The following SLC2A13 variants were observed in gnomAD, a reference collection of about 807,000 sequenced individuals.
The protein encoded by SLC2A13 is proton myo-inositol cotransporter.
Under a neutral mutation model 64.4 loss-of-function variants are expected in SLC2A13, and 32 were observed. That is an observed-to-expected ratio of 0.50 (90% CI 0.37 to 0.67). The LOEUF (loss-of-function observed/expected upper bound fraction) is 0.67, where lower values mean the gene tolerates loss of function less well. SLC2A13 is among the 30% of genes least tolerant of loss of function. The pLI is 0.00. For missense variants in SLC2A13, 743 were observed against 829.2 expected, an observed-to-expected ratio of 0.90 and a Z score of 1.28; for synonymous variants, 338 against 327.1, an observed-to-expected ratio of 1.03 and a Z score of -0.36.
intron 4 of SLC2A13, among the ~76,000 whole-genome samples, chr12:39,893,125 A>C (rs1022346929): frequency 6.6e-6 from 1 of 152,282 alleles, no homozygotes; most frequent in African/African-American, 2.4e-5. Context: ...AAATGAAAAA[A>C]CCCAATGAGA....
At chr12:39,896,091 T>C (rs1023982734) in intron 4 of SLC2A13, among the ~76,000 whole-genome samples, 1 of 149,312 alleles carries the variant, frequency 6.7e-6, no homozygotes, top group Non-Finnish European at 1.5e-5. Context: ...TACATATATG[T>C]ATACACGTGT....
At chr12:40,045,884 C>T (rs1331299592) in intron 2 of SLC2A13, among the ~76,000 whole-genome samples, 1 of 152,164 alleles carries the variant, frequency 6.6e-6, no homozygotes, top group Non-Finnish European at 1.5e-5. Context: ...AGCAGCAATA[C>T]ACTTTAAATC....
intron 3 of SLC2A13, among the ~76,000 whole-genome samples, chr12:40,020,807 T>A (rs922657078): frequency 6.6e-6 from 1 of 152,172 alleles, no homozygotes; most frequent in Non-Finnish European, 1.5e-5. Flanking sequence ...TGGTTTTATT[T>A]ACGAAGCAGA....
chr12:40,008,181 A>T (rs1947458236), intron 3 of SLC2A13, among the ~76,000 whole-genome samples: 1 of 152,216 alleles, frequency 6.6e-6, no homozygotes, highest in African/African-American at 2.4e-5. Flanking sequence ...TTATAACAAC[A>T]TTCTCTTATC....
chr12:40,058,541 GAA>G (rs1238061616), intron 1 of SLC2A13, among the ~76,000 whole-genome samples: 9 of 151,514 alleles, frequency 5.9e-5, no homozygotes, highest in Admixed American at 5.9e-4. Context: ...GGAATGGACT[GAA>G]AAAAAAGAGA....
chr12:40,091,372 T>C (rs1938761952), intron 1 of SLC2A13, among the ~76,000 whole-genome samples: 1 of 152,212 alleles, frequency 6.6e-6, no homozygotes, highest in Non-Finnish European at 1.5e-5. Context: ...ATAATTTACT[T>C]ATGTTGACAC....
chr12:39,956,302 A>G (rs1249198721), intron 3 of SLC2A13, among the ~76,000 whole-genome samples: 6 of 152,166 alleles, frequency 3.9e-5, no homozygotes, highest in Admixed American at 2.6e-4. Context: ...TTGCCTGTGG[A>G]GGGAGGAATT....
At chr12:39,875,020 C>T (rs571660827) in intron 4 of SLC2A13, among the ~76,000 whole-genome samples, 2 of 152,350 alleles carry the variant, frequency 1.3e-5, no homozygotes, top group South Asian at 2.1e-4. Context: ...TTGTCCTGTA[C>T]AGACTGCCTT....
intron 3 of SLC2A13, among the ~76,000 whole-genome samples, chr12:39,967,728 A>C (rs1490864012): frequency 6.6e-6 from 1 of 152,194 alleles, no homozygotes. Context: ...AAGCTCATTT[A>C]CTTCATTGTC....
intron 1 of SLC2A13, among the ~76,000 whole-genome samples, chr12:40,097,899 G>A (rs1046916076): frequency 6.6e-6 from 1 of 151,970 alleles, no homozygotes; most frequent in Non-Finnish European, 1.5e-5. Flanking sequence ...TTCAAAGAAG[G>A]ACCTCAAAGA....
At chr12:39,971,983 GAAAAAA>G (rs1174701447) in intron 3 of SLC2A13, among the ~76,000 whole-genome samples, 2 of 95,790 alleles carry the variant, frequency 2.1e-5, no homozygotes, top group African/African-American at 8.2e-5. Context: ...AGTGTCTCCA[GAAAAAA>G]AAAAAAAAAT....
intron 9 of SLC2A13, among the ~76,000 whole-genome samples, chr12:39,763,043 G>A (rs1940219616): frequency 6.6e-6 from 1 of 151,928 alleles, no homozygotes; most frequent in Non-Finnish European, 1.5e-5. Context: ...CTCAGGATGC[G>A]AGCATATACT....
chr12:40,086,847 T>C (rs1360355860), intron 1 of SLC2A13, among the ~76,000 whole-genome samples: 2 of 152,216 alleles, frequency 1.3e-5, no homozygotes, highest in African/African-American at 4.8e-5. Flanking sequence ...CTCCAAATTG[T>C]GGGAGACCTG....
chr12:39,876,673 CA>C (rs1230114168), intron 4 of SLC2A13, among the ~76,000 whole-genome samples: 3 of 151,920 alleles, frequency 2.0e-5, no homozygotes, highest in African/African-American at 7.3e-5. Flanking sequence ...GCAGCCAAGG[CA>C]AAATAGTAAA....
chr12:39,930,775 T>G (rs1945813548), intron 4 of SLC2A13, among the ~76,000 whole-genome samples: 1 of 152,200 alleles, frequency 6.6e-6, no homozygotes, highest in Non-Finnish European at 1.5e-5. Flanking sequence ...GACTGCCACA[T>G]AAATATTCTG....
chr12:39,846,746 C>T (rs1190691365), intron 6 of SLC2A13, among the ~76,000 whole-genome samples: 1 of 152,092 alleles, frequency 6.6e-6, no homozygotes, highest in East Asian at 1.9e-4. Context: ...GCCACAATGC[C>T]CAGCCTCACT....
At chr12:39,847,851 GCAAGTCTACC>G (rs1286309860) in intron 6 of SLC2A13, among the ~76,000 whole-genome samples, 1 of 152,032 alleles carries the variant, frequency 6.6e-6, no homozygotes, top group African/African-American at 2.4e-5. Context: ...TTCTGAAAAA[GCAAGTCTACC>G]CAAGTCTCCA....
At chr12:39,844,536 T>C (rs4542485) in intron 6 of SLC2A13, among the ~76,000 whole-genome samples, 1 of 151,980 alleles carries the variant, frequency 6.6e-6, no homozygotes, top group South Asian at 2.1e-4. Flanking sequence ...GTGTTCTTTT[T>C]AGAAAAGAAA....
chr12:40,068,284 C>A, intron 1 of SLC2A13: 1 of 393,992 alleles, frequency 2.5e-6, no homozygotes, highest in South Asian at 1.9e-5. Flanking sequence ...CTAAAGACAT[C>A]AGAATAACCT....
Sources: gnomAD v4.1 joint callset for allele counts (sites outside exome capture counted in the v4.1 genomes callset) on GRCh38, gnomAD v4.1.1 for gene constraint, MANE v1.5 for transcripts, NCBI Gene and HGNC (gene_info 2026-07-23, HGNC 2026-07-21) for gene names.